Variants in KAZN observed in about 807,000 individuals in gnomAD.
KAZN encodes the protein kazrin, periplakin interacting protein, also known as kazrin.
A neutral mutation model predicts 87.4 loss-of-function variants in KAZN; 40 were observed. The observed-to-expected ratio is 0.46, with a 90% CI of 0.36 to 0.60. KAZN has a LOEUF of 0.60. KAZN is among the 20% of genes least tolerant of loss of function. The probability of loss-of-function intolerance (pLI) is 0.00; values close to 1 mark genes in which losing one functional copy is unlikely to be tolerated. For missense variants in KAZN, 898 were observed against 1,073.9 expected (o/e 0.84, Z 2.29); for synonymous variants, 466 against 458.3 (o/e 1.02, Z -0.22).
At chr1:14,524,341 C>T (rs566030048) in intron 2 of KAZN, among the ~76,000 whole-genome samples, 5 of 152,134 alleles carry the variant, frequency 3.3e-5, no homozygotes, top group African/African-American at 1.2e-4. Context: ...CACTTGTGTG[C>T]GTTTGTGTGA....
intron 2 of KAZN, among the ~76,000 whole-genome samples, chr1:14,966,726 C>T (rs899822441): frequency 6.6e-6 from 1 of 152,110 alleles, no homozygotes; most frequent in Non-Finnish European, 1.5e-5. Context: ...GACTGGAGTA[C>T]AGTGGCGCCA....
chr1:14,115,478 C>A (rs1199682480), intron 1 of KAZN, among the ~76,000 whole-genome samples: 2 of 152,186 alleles, frequency 1.3e-5, no homozygotes, highest in Non-Finnish European at 2.9e-5. Context: ...ACTTTCCCTG[C>A]ACAAGCTTCT....
intron 1 of KAZN, among the ~76,000 whole-genome samples, chr1:14,125,806 G>C (rs963976317): frequency 3.9e-5 from 6 of 152,220 alleles, no homozygotes; most frequent in African/African-American, 7.2e-5. Context: ...GATCAGGGCA[G>C]GTTCCAGGAA....
intron 1 of KAZN, among the ~76,000 whole-genome samples, chr1:14,171,020 A>C (rs1645944235): frequency 1.3e-5 from 2 of 152,190 alleles, no homozygotes; most frequent in African/African-American, 4.8e-5. Flanking sequence ...CCCTCTGTAC[A>C]GTTCTTAAAA....
At chr1:14,143,535 A>C (rs1046747668) in intron 1 of KAZN, among the ~76,000 whole-genome samples, 3 of 152,000 alleles carry the variant, frequency 2.0e-5, no homozygotes, top group African/African-American at 4.8e-5. Flanking sequence ...TCCCCCACTT[A>C]CTTCCACCAG....
intron 2 of KAZN, among the ~76,000 whole-genome samples, chr1:14,565,403 A>T (rs1388730694): frequency 1.3e-5 from 2 of 151,916 alleles, no homozygotes; most frequent in East Asian, 1.9e-4. Context: ...TTTTATTCCT[A>T]AAAAAAATGC....
In KAZN at chr1:14,191,577, C is replaced by G. The variant is rs187929296; in HGVS notation, c.249+10985C>G. ...GAGAGAGTTCCGGGCTCAAGGAACA[C>G]GTCTGGGAGTCATCAGTGTCTCTGC... On this transcript the variant is annotated intron_variant, in intron 2 of 16. Transcript: ENST00000636203. Among the ~76,000 whole-genome samples the G allele has an allele frequency of 4.9e-3, 743 of 152,160 alleles. 5 individuals are homozygous for G. The highest frequency in any genetic ancestry group is 6.8e-3 in the Non-Finnish European group (462 of 67,980).
chr1:14,757,809 A>G (rs1352276778), intron 1 of KAZN, among the ~76,000 whole-genome samples: 2 of 152,162 alleles, frequency 1.3e-5, no homozygotes, highest in African/African-American at 4.8e-5. Flanking sequence ...CGTATGGATT[A>G]AGAATTCATT....
At chr1:14,418,783 CAA>C (rs1022280200) in intron 2 of KAZN, among the ~76,000 whole-genome samples, 6 of 152,186 alleles carry the variant, frequency 3.9e-5, no homozygotes, top group South Asian at 2.1e-4. Context: ...TTCTCCCACT[CAA>C]AGTCATGAAA....
At chr1:13,906,959 G>A (rs750657714) in intron 1 of KAZN, among the ~76,000 whole-genome samples, 1 of 152,180 alleles carries the variant, frequency 6.6e-6, no homozygotes, top group Non-Finnish European at 1.5e-5. Flanking sequence ...AAGGCTTCCC[G>A]CCTGTGCAAA....
intron 2 of KAZN, among the ~76,000 whole-genome samples, chr1:15,002,035 C>T (rs969394288): frequency 6.6e-6 from 1 of 151,936 alleles, no homozygotes; most frequent in Non-Finnish European, 1.5e-5. Context: ...CGCCCGCCAC[C>T]ACACCTGGCT....
At chr1:14,377,239 T>A (rs933875962) in intron 2 of KAZN, among the ~76,000 whole-genome samples, 2 of 152,206 alleles carry the variant, frequency 1.3e-5, no homozygotes, top group Non-Finnish European at 2.9e-5. Context: ...AAGGTCTTTT[T>A]AACTGGTAAT....
At chr1:15,103,587 A>C (rs1296965714) in intron 12 of KAZN, 127 bp downstream of exon 12, 5 of 702,702 alleles carry the variant, frequency 7.1e-6, no homozygotes, top group Non-Finnish European at 1.3e-5. Context: ...CAATGGGCAA[A>C]TCCCACACAA....
chr1:14,389,876 A>T (rs1662269714), intron 2 of KAZN, among the ~76,000 whole-genome samples: 1 of 152,226 alleles, frequency 6.6e-6, no homozygotes, highest in Non-Finnish European at 1.5e-5. Flanking sequence ...ATTGTTTGTA[A>T]CACAAAGGAT....
chr1:14,563,637 C>T (rs1674377980), intron 2 of KAZN, among the ~76,000 whole-genome samples: 1 of 152,082 alleles, frequency 6.6e-6, no homozygotes, highest in African/African-American at 2.4e-5. Flanking sequence ...CCCATCAAGT[C>T]CTTGCTTTTC....
chr1:14,331,307 G>A (rs1446622770), intron 2 of KAZN, among the ~76,000 whole-genome samples: 3 of 152,050 alleles, frequency 2.0e-5, no homozygotes, highest in South Asian at 2.1e-4. Context: ...GATATGGGAC[G>A]GAAATCAGCT....
chr1:15,069,890 A>C lies in KAZN; in HGVS notation c.1222+4137A>C, dbSNP rs1639430025. Among the ~76,000 whole-genome samples the C allele has an allele frequency of 2.0e-5, 3 of 152,206 alleles. No individual in the cohort carries two copies. The East Asian group carries it at 5.8e-4, about 29-fold the overall frequency. ...CTCCTCCTACCCACGTTGCAGGCTA[A>C]AACAGCTGTAACCAATAATAACAAT... On this transcript the variant is annotated intron_variant, in intron 8 of 14. Transcript: ENST00000376030.
intron 10 of KAZN, among the ~76,000 whole-genome samples, chr1:15,098,962 C>T (rs111656736): frequency 6.5e-4 from 99 of 152,316 alleles, no homozygotes; most frequent in South Asian, 2.1e-3. Flanking sequence ...TGGCCAGATG[C>T]GTAACCATGA....
chr1:14,630,789 T>C (rs1277559534), intron 1 of KAZN, among the ~76,000 whole-genome samples: 1 of 152,184 alleles, frequency 6.6e-6, no homozygotes, highest in African/African-American at 2.4e-5. Context: ...TCAGGTCTGC[T>C]GCTTTTGGGC....
Sources: allele counts gnomAD v4.1 joint callset (sites outside exome capture counted in the v4.1 genomes callset), GRCh38; gene constraint gnomAD v4.1.1; transcripts MANE v1.5; gene names NCBI Gene and HGNC (gene_info 2026-07-23, HGNC 2026-07-21).